Variants in RAB8B observed in about 807,000 individuals in gnomAD.
RAB8B encodes the protein RAB8B, member RAS oncogene family, also known as ras-related protein Rab-8B.
A neutral mutation model predicts 32.0 loss-of-function variants in RAB8B; 11 were observed. The observed-to-expected ratio is 0.34, with a 90% CI of 0.22 to 0.57. The LOEUF (loss-of-function observed/expected upper bound fraction) is 0.57. Among genes scored for constraint, RAB8B ranks in the 20% least tolerant of loss-of-function variants. The pLI, the probability that RAB8B is intolerant of heterozygous loss-of-function variation, is 0.86. For missense variants in RAB8B, 190 were observed against 258.5 expected, an observed-to-expected ratio of 0.73 and a Z score of 1.82; for synonymous variants, 103 against 89.6, an observed-to-expected ratio of 1.15 and a Z score of -0.85.
chr15:63,197,625 C>T (rs530094392), intron 1 of RAB8B, among the ~76,000 whole-genome samples: 11 of 152,160 alleles, frequency 7.2e-5, no homozygotes, highest in Admixed American at 3.9e-4. Flanking sequence ...CTGTCTGCCT[C>T]GGCCTCCCAA....
At chr15:63,246,229 A>G (rs771765330) in intron 2 of RAB8B, among the ~76,000 whole-genome samples, 3 of 152,190 alleles carry the variant, frequency 2.0e-5, no homozygotes, top group Non-Finnish European at 4.4e-5. Flanking sequence ...GTGACCCGTC[A>G]CGTGAGCTCA....
intron 1 of RAB8B, among the ~76,000 whole-genome samples, chr15:63,233,263 C>A (rs768207905): frequency 6.6e-6 from 1 of 151,374 alleles, no homozygotes; most frequent in Non-Finnish European, 1.5e-5. Context: ...GGGGTCTCAT[C>A]ATGTTGCCCA....
At chr15:63,235,535 A>G (rs1440110239) in intron 1 of RAB8B, among the ~76,000 whole-genome samples, 2 of 151,830 alleles carry the variant, frequency 1.3e-5, no homozygotes, top group East Asian at 3.8e-4. Flanking sequence ...AATAAATTAT[A>G]GAGTCAAAGT....
chr15:63,260,036 T>C (rs1406124315), intron 6 of RAB8B, among the ~76,000 whole-genome samples: 1 of 152,182 alleles, frequency 6.6e-6, no homozygotes, highest in East Asian at 1.9e-4. Flanking sequence ...GGTTTCACCA[T>C]GTTGGCCAGG....
At chr15:63,198,635 C>T (rs1188135015) in intron 1 of RAB8B, among the ~76,000 whole-genome samples, 7 of 152,100 alleles carry the variant, frequency 4.6e-5, no homozygotes, top group Admixed American at 2.0e-4. Flanking sequence ...GGCGTGGCTT[C>T]CCATATCACA....
intron 1 of RAB8B, among the ~76,000 whole-genome samples, chr15:63,220,015 G>A (rs1203685001): frequency 6.6e-6 from 1 of 152,204 alleles, no homozygotes; most frequent in Non-Finnish European, 1.5e-5. Flanking sequence ...TGTTGTCCAA[G>A]TGTTAAGAAA....
At chr15:63,194,408 A>G (rs1163006851) in intron 1 of RAB8B, among the ~76,000 whole-genome samples, 2 of 152,216 alleles carry the variant, frequency 1.3e-5, no homozygotes, top group East Asian at 1.9e-4. Flanking sequence ...ATGTGAGGAA[A>G]GTTAAGACAT....
At chr15:63,236,954 A>G (rs2037985802) in intron 1 of RAB8B, among the ~76,000 whole-genome samples, 1 of 152,134 alleles carries the variant, frequency 6.6e-6, no homozygotes, top group African/African-American at 2.4e-5. Context: ...CATGAATTCA[A>G]TCATTTTAAT....
intron 6 of RAB8B, among the ~76,000 whole-genome samples, chr15:63,260,473 G>C (rs2038193579): frequency 6.6e-6 from 1 of 151,860 alleles, no homozygotes. Context: ...AGTGGAAATA[G>C]GAAAGTGTTT....
chr15:63,262,211 G>C (rs1313300464), intron 6 of RAB8B, among the ~76,000 whole-genome samples: 2 of 152,070 alleles, frequency 1.3e-5, no homozygotes, highest in African/African-American at 4.8e-5. Flanking sequence ...TAGGGAAGTG[G>C]GGTAGCTTAG....
intron 1 of RAB8B, among the ~76,000 whole-genome samples, chr15:63,192,909 C>T (rs1034352991): frequency 3.2e-4 from 49 of 152,172 alleles, no homozygotes; most frequent in African/African-American, 1.2e-3. Context: ...GCCTGGGAAA[C>T]ATAGCGAGAC....
At chr15:63,199,908 C>T (rs1226339149) in intron 1 of RAB8B, among the ~76,000 whole-genome samples, 2 of 152,144 alleles carry the variant, frequency 1.3e-5, no homozygotes, top group Admixed American at 1.3e-4. Context: ...AGCACTATTA[C>T]ATTTTACATT....
chr15:63,199,146 C>T (rs2037627337), intron 1 of RAB8B, among the ~76,000 whole-genome samples: 1 of 152,196 alleles, frequency 6.6e-6, no homozygotes, highest in Non-Finnish European at 1.5e-5. Context: ...TAGCACCTCA[C>T]CCATACCAAG....
chr15:63,251,457 C>G (rs892078552), intron 3 of RAB8B: 1 of 372,632 alleles, frequency 2.7e-6, no homozygotes, highest in African/African-American at 2.1e-5. Flanking sequence ...GGAGGGTGGG[C>G]AGTGGCACTT....
In RAB8B at chr15:63,244,748, T is replaced by C. The variant is rs756554210; in HGVS notation, c.125-8T>C. ...AACTTAACATATCTTTCTTTGTTTT[T>C]CTGGCAGGAATTGATTTTAAAATTA... On this transcript the variant is annotated splice_polypyrimidine_tract_variant and splice_region_variant and intron_variant, in intron 1 of 7. Coordinates refer to ENST00000321437, the MANE Select transcript of RAB8B (RefSeq NM_016530.3). 2 of 1,554,756 alleles carry C rather than the reference T, an allele frequency of 1.3e-6. No homozygotes were observed. Among genetic ancestry groups the C allele is most frequent in the Non-Finnish European group, 8.8e-7 (1 of 1,130,340 alleles).
chr15:63,208,520 A>G (rs1178304177), intron 1 of RAB8B, among the ~76,000 whole-genome samples: 9 of 152,250 alleles, frequency 5.9e-5, no homozygotes, highest in African/African-American at 1.7e-4. Flanking sequence ...GGAATGCACA[A>G]TGCTTGGCTT....
intron 1 of RAB8B, among the ~76,000 whole-genome samples, chr15:63,242,375 C>T (rs906965026): frequency 6.6e-6 from 1 of 151,962 alleles, no homozygotes; most frequent in Non-Finnish European, 1.5e-5. Flanking sequence ...TTGAATGCTC[C>T]CCACCTAAAT....
chr15:63,240,929 T>C (rs377317886), intron 1 of RAB8B, among the ~76,000 whole-genome samples: 1 of 152,062 alleles, frequency 6.6e-6, no homozygotes. Flanking sequence ...AAGTTGCCCA[T>C]GACTTCTAAT....
At chr15:63,262,104 G>A (rs1193016061) in intron 6 of RAB8B, among the ~76,000 whole-genome samples, 4 of 152,142 alleles carry the variant, frequency 2.6e-5, no homozygotes, top group Non-Finnish European at 5.9e-5. Flanking sequence ...AGAGATTTTT[G>A]TGAAGACATT....
Sources: gnomAD v4.1 joint callset for allele counts (sites outside exome capture counted in the v4.1 genomes callset) on GRCh38, gnomAD v4.1.1 for gene constraint, MANE v1.5 for transcripts, NCBI Gene and HGNC (gene_info 2026-07-23, HGNC 2026-07-21) for gene names.